The following FOXP1 variants were observed in gnomAD, a reference collection of about 807,000 sequenced individuals.
FOXP1 encodes forkhead box protein P1.
A neutral mutation model predicts 98.2 loss-of-function variants in FOXP1; 15 were observed. That is an observed-to-expected ratio of 0.15 (90% CI 0.10 to 0.24). The LOEUF is 0.24. FOXP1 is among the 10% of genes least tolerant of loss of function. The pLI is 1.00. For synonymous variants in FOXP1, 371 were observed against 314.5 expected (o/e 1.18, Z -1.90); for missense variants, 633 against 848.5 (o/e 0.75, Z 3.15).
At chr3:70,986,133 T>C (rs941083170) in intron 14 of FOXP1, among the ~76,000 whole-genome samples, 4 of 152,168 alleles carry the variant, frequency 2.6e-5, no homozygotes, top group African/African-American at 9.7e-5. Context: ...TTAATACTAA[T>C]CAAGACAAAC....
intron 20 of FOXP1, among the ~76,000 whole-genome samples, chr3:70,959,777 C>T (rs1269047368): frequency 6.6e-6 from 1 of 152,132 alleles, no homozygotes; most frequent in Non-Finnish European, 1.5e-5. Context: ...ACACACGCTG[C>T]AGTCACCTGT....
chr3:71,494,638 C>G (rs896503679), intron 2 of FOXP1, among the ~76,000 whole-genome samples: 1 of 152,180 alleles, frequency 6.6e-6, no homozygotes, highest in Non-Finnish European at 1.5e-5. Flanking sequence ...TAGATTGATG[C>G]TTCTCAAACT....
intron 11 of FOXP1, among the ~76,000 whole-genome samples, chr3:71,030,328 C>T (rs958218026): frequency 6.6e-6 from 1 of 152,192 alleles, no homozygotes; most frequent in Non-Finnish European, 1.5e-5. Context: ...AGGGCCTTTG[C>T]TTCTGATGTG....
At chr3:70,959,465 G>C in intron 20 of FOXP1, 74 bp from the exon 21 acceptor site, 2 of 1,574,038 alleles carry the variant, frequency 1.3e-6, no homozygotes, top group South Asian at 1.1e-5. Context: ...GAAAAGTTTG[G>C]GGCAACAGAA....
chr3:71,026,852 T>C (rs1559754518), intron 11 of FOXP1, among the ~76,000 whole-genome samples: 1 of 152,178 alleles, frequency 6.6e-6, no homozygotes, highest in African/African-American at 2.4e-5. Context: ...TTGGTGTGCT[T>C]GGATCACAAT....
At chr3:70,967,687 G>GTTTTTTTTTTTGTTTTTT (rs2035151049) in intron 19 of FOXP1, among the ~76,000 whole-genome samples, 2 of 61,356 alleles carry the variant, frequency 3.3e-5, no homozygotes, top group African/African-American at 1.1e-4. Flanking sequence ...ACTATTATTT[G>GTTTTTTTTTTTGTTTTTT]TTTTTTTTTT....
At chr3:71,273,245 C>T (rs917012432) in intron 5 of FOXP1, among the ~76,000 whole-genome samples, 1 of 152,186 alleles carries the variant, frequency 6.6e-6, no homozygotes, top group African/African-American at 2.4e-5. Context: ...GGCAATGAGG[C>T]ACTGGGAAGG....
intron 3 of FOXP1, among the ~76,000 whole-genome samples, chr3:71,460,532 G>A (rs1229751501): frequency 2.6e-5 from 4 of 151,940 alleles, no homozygotes; most frequent in African/African-American, 9.7e-5. Context: ...CGCCTCCCGA[G>A]TTCAAGGAAT....
intron 7 of FOXP1, among the ~76,000 whole-genome samples, chr3:71,080,790 G>C (rs1429810089): frequency 6.6e-6 from 1 of 152,136 alleles, no homozygotes. Flanking sequence ...TACAGATGAA[G>C]TCACTCCAAG....
intron 11 of FOXP1, among the ~76,000 whole-genome samples, chr3:71,026,603 T>G (rs1373481342): frequency 1.3e-5 from 2 of 152,166 alleles, no homozygotes; most frequent in Non-Finnish European, 2.9e-5. Flanking sequence ...TTGTAAGCTA[T>G]CTATGTGACC....
Position 70,955,514 on chromosome 3 carries a change from TTTTC to T in FOXP1, c.*3729_*3732del, listed in dbSNP as rs2031554627. On this transcript the variant is annotated 3_prime_UTR_variant, in exon 21 of 21. Coordinates refer to ENST00000649528, the MANE Select transcript of FOXP1 (RefSeq NM_001349338.3). Reference sequence around the variant, plus strand: ...ACGGGACTACCTCCCTAATGTATGCTTTTCTTTGAGAAAAAAAAAGTAACAGATT... The same window carrying T: ...ACGGGACTACCTCCCTAATGTATGCTTTTGAGAAAAAAAAAGTAACAGATT... 4.3e-6 allele frequency: 1 copy of T among 232,768 alleles called. No homozygotes were observed. Among genetic ancestry groups the T allele is most frequent in the Admixed American group, 5.6e-5 (1 of 17,750 alleles). The allele number at this position is 232,768 out of a possible 1,614,324, so 14.4% of individuals were successfully genotyped here.
chr3:71,267,544 C>G (rs901870844), intron 5 of FOXP1, among the ~76,000 whole-genome samples: 1 of 151,828 alleles, frequency 6.6e-6, no homozygotes, highest in Non-Finnish European at 1.5e-5. Flanking sequence ...AAAACAAAAG[C>G]GATTGTATAA....
chr3:71,482,834 C>CT (rs777721460), intron 3 of FOXP1, among the ~76,000 whole-genome samples: 173 of 142,136 alleles, frequency 1.2e-3, no homozygotes, highest in Middle Eastern at 3.6e-3. Context: ...TCTTATGTCA[C>CT]TTTTTTTTTT....
At chr3:71,500,077 T>G (rs1458898060) in intron 2 of FOXP1, among the ~76,000 whole-genome samples, 2 of 152,190 alleles carry the variant, frequency 1.3e-5, no homozygotes, top group Non-Finnish European at 2.9e-5. Context: ...GCAAGCCCAT[T>G]TAACTAACTT....
Position 71,052,595 on chromosome 3 carries a change from T to A in FOXP1, c.452A>T (p.Gln151Leu). ...QQLQEFYKKQ[Q>L]EQLQLQLLQQ... is the part of the protein sequence containing the mutation. ...TAAAAGTTGAAGCTGCAACTGTTCC[T>A]GTTGTTTTTTATAAAACTCTTGAAG... The change falls in exon 9 of 21, where the codon CAG becomes CTG. Residue 151 changes from glutamine (Q) to leucine (L), a missense_variant. Physicochemically the swap from Gln to Leu is moderately radical, Grantham distance 113. This residue lies in a region of FOXP1 where 210 missense variants were observed against 270.6 expected (regional missense o/e 0.78). Coordinates refer to ENST00000649528, the MANE Select transcript of FOXP1 (RefSeq NM_001349338.3). 1 of 1,422,384 alleles carries A rather than the reference T, an allele frequency of 7.0e-7. No homozygotes were observed. Among genetic ancestry groups the A allele is most frequent in the Non-Finnish European group, 1.0e-6 (1 of 1,004,632 alleles). 88.1% of individuals were successfully genotyped at this position (1,422,384 alleles called of 1,614,324 possible).
intron 3 of FOXP1, among the ~76,000 whole-genome samples, chr3:71,470,109 G>A (rs535937206): frequency 6.6e-6 from 1 of 151,872 alleles, no homozygotes; most frequent in Admixed American, 6.5e-5. Context: ...ACATAAAAAA[G>A]GAATTTTGAG....
intron 6 of FOXP1, among the ~76,000 whole-genome samples, chr3:71,157,509 T>A (rs2060883399): frequency 6.6e-6 from 1 of 152,142 alleles, no homozygotes; most frequent in African/African-American, 2.4e-5. Flanking sequence ...CTGAATATGG[T>A]TGTAAAGGTG....
intron 5 of FOXP1, among the ~76,000 whole-genome samples, chr3:71,211,615 A>C (rs1295290907): frequency 6.6e-6 from 1 of 152,218 alleles, no homozygotes; most frequent in Non-Finnish European, 1.5e-5. Flanking sequence ...CTTTTATATA[A>C]GCTGTTCAAC....
chr3:71,163,414 C>G (rs2061241962), intron 6 of FOXP1, among the ~76,000 whole-genome samples: 1 of 152,258 alleles, frequency 6.6e-6, no homozygotes, highest in Non-Finnish European at 1.5e-5. Flanking sequence ...ATGTAGTAGA[C>G]AATTGCTTTT....
Sources: gnomAD v4.1 joint callset for allele counts (sites outside exome capture counted in the v4.1 genomes callset) on GRCh38, gnomAD v4.1.1 for gene constraint, gnomAD v4.1.1 regional missense constraint, MANE v1.5 for transcripts, NCBI Gene and HGNC (gene_info 2026-07-23, HGNC 2026-07-21) for gene names.